Variants in SZT2 observed in about 807,000 individuals in gnomAD.
SZT2 encodes the protein SZT2 subunit of KICSTOR complex, also known as KICSTOR complex protein SZT2.
SZT2 carries 216 observed loss-of-function variants against 404.2 expected under a neutral mutation model. The observed-to-expected ratio is 0.53, with a 90% CI of 0.48 to 0.60. The LOEUF (loss-of-function observed/expected upper bound fraction) is 0.60, where lower values mean the gene tolerates loss of function less well. Ranked by LOEUF, SZT2 falls within the 20% of genes least tolerant of loss-of-function variation. SZT2 has a pLI of 0.00. For synonymous variants in SZT2, 1,693 were observed against 1,749.9 expected (o/e 0.97, Z 0.81); for missense variants, 3,857 against 4,459.2 (o/e 0.86, Z 3.85).
At position 43,438,926 on chromosome 1, in the gene SZT2, C is replaced by T. The variant is rs375885010; in HGVS notation, c.6628-3C>T. 25 of 1,614,062 alleles carry T rather than the reference C, an allele frequency of 1.5e-5. No individual in the cohort carries two copies. The African/African-American group carries it at 3.2e-4, about 21-fold the overall frequency. ...GCTCTGCCCTCTTCTTCCCACTCTG[C>T]AGTTCATCCAGCCCCCTGGAAGTCT... On this transcript the variant is annotated splice_region_variant and splice_polypyrimidine_tract_variant and intron_variant, in intron 47 of 71. Coordinates refer to ENST00000634258, the MANE Select transcript of SZT2 (RefSeq NM_001365999.1).
At position 43,448,127 on chromosome 1, in the gene SZT2, G is replaced by A. The variant is rs1028557723; in HGVS notation, c.9612G>A (p.Arg3204=). The change falls in exon 69 of 72, where the codon AGG becomes AGA. Residue 3204 remains arginine, a synonymous_variant. Coordinates refer to ENST00000634258, the MANE Select transcript of SZT2 (RefSeq NM_001365999.1). This position sits in a 1 kb window ranked among gnomAD's most constrained non-coding sequence, Gnocchi z 4.2. ...CCAGCCAGCGAGAGCTCTTCCCCAG[G>A]CTCACTGCTGACATGCGCCGCTTCC... ...VLTSQRELFP[R]LTADMRRFRK... The A allele has an allele frequency of 2.3e-5, 37 of 1,605,208 alleles. No individual in the cohort carries two copies. Among genetic ancestry groups the A allele is most frequent in the Admixed American group, 3.4e-5 (2 of 59,534 alleles).
In SZT2 at chr1:43,424,446, G is replaced by A; in HGVS notation, c.2471+14G>A. The A allele has an allele frequency of 1.3e-6, 2 of 1,596,324 alleles. No homozygotes were observed. The highest frequency in any genetic ancestry group is 1.7e-6 in the Non-Finnish European group (2 of 1,178,722). ...CATCCTCACTGAGTATGTCATCCAA[G>A]CCTGCCAGGTCACTCGGGGCAAGGA... On this transcript the variant is annotated intron_variant, in intron 16 of 71. Coordinates refer to ENST00000634258, the MANE Select transcript of SZT2 (RefSeq NM_001365999.1). The surrounding 1 kb of genome is among the most constrained non-coding windows in gnomAD (Gnocchi z 4.1).
At position 43,453,358 on chromosome 1, in the gene SZT2, G is replaced by A. The variant is rs1656649057; in HGVS notation, c.*2878G>A. The A allele has an allele frequency of 6.9e-7, 1 of 1,450,996 alleles. No individual in the cohort carries two copies. Among genetic ancestry groups the A allele is most frequent in the Non-Finnish European group, 9.4e-7 (1 of 1,060,718 alleles). 89.9% of individuals were successfully genotyped at this position (1,450,996 alleles called of 1,614,324 possible). ...ACCTGCATCAGGGTCATGGGTCACA[G>A]GGGTGGGGGTGGGGTGGAGCGGGGT... On this transcript the variant is annotated 3_prime_UTR_variant, in exon 72 of 72. Transcript: ENST00000634258.
In SZT2 at chr1:43,424,731, A is replaced by G; in HGVS notation, c.2472-53A>G. 6.8e-7 allele frequency: 1 copy of G among 1,480,146 alleles called. No homozygotes were observed. The highest frequency in any genetic ancestry group is 9.4e-7 in the Non-Finnish European group (1 of 1,060,588). The allele number at this position is 1,480,146 out of a possible 1,614,324, so 91.7% of individuals were successfully genotyped here. A position where few individuals can be genotyped will look rare whatever the true frequency, so the allele number is the denominator to read the frequency against. On this transcript the variant is annotated intron_variant, in intron 16 of 71. Coordinates refer to ENST00000634258, the MANE Select transcript of SZT2 (RefSeq NM_001365999.1). This position sits in a 1 kb window ranked among gnomAD's most constrained non-coding sequence, Gnocchi z 4.1. Reference sequence around the variant, plus strand: ...GTATGTGGGGAGAGCTTGTAGTCTCAGTGTCTCTTCTTCCCTTATCCTGGC... The same window carrying G: ...GTATGTGGGGAGAGCTTGTAGTCTCGGTGTCTCTTCTTCCCTTATCCTGGC...
Position 43,424,777 on chromosome 1 carries a change from G to T in SZT2, c.2472-7G>T, listed in dbSNP as rs766259523. ...CTGGCCTTGCCCCGGCCTTTATGGGGCTTCAGAGTCCGACTTTCTGAAGGA... is the reference window on the plus strand; with the variant it reads ...CTGGCCTTGCCCCGGCCTTTATGGGTCTTCAGAGTCCGACTTTCTGAAGGA... On this transcript the variant is annotated splice_region_variant and splice_polypyrimidine_tract_variant and intron_variant, in intron 16 of 71. Transcript: ENST00000634258. The surrounding 1 kb of genome is among the most constrained non-coding windows in gnomAD (Gnocchi z 4.1). 4.3e-6 allele frequency: 7 copies of T among 1,613,630 alleles called. No homozygotes were observed. The highest frequency in any genetic ancestry group is 5.1e-6 in the Non-Finnish European group (6 of 1,179,580).
Position 43,450,290 on chromosome 1 carries a change from A to G in SZT2, c.10156-47A>G. The G allele has an allele frequency of 1.2e-6, 2 of 1,612,840 alleles. No individual in the cohort carries two copies. The highest frequency in any genetic ancestry group is 1.7e-6 in the Non-Finnish European group (2 of 1,179,416). On this transcript the variant is annotated intron_variant, in intron 71 of 71. Coordinates refer to ENST00000634258, the MANE Select transcript of SZT2 (RefSeq NM_001365999.1). The surrounding 1 kb of genome is among the most constrained non-coding windows in gnomAD (Gnocchi z 4.3). ...TTTCTGAGCCCTGCCTCCTATCCCC[A>G]CCCATGCCCTCCTCTCACCAGTGCA... is the stretch of plus-strand genomic sequence containing the variant.
chr1:43,447,189 CA>C, intron 66 of SZT2, 21 bp downstream of exon 66: 1 of 1,597,152 alleles, frequency 6.3e-7, no homozygotes, highest in East Asian at 2.3e-5. Flanking sequence ...AAGGGCAAGC[CA>C]GTGAACCCAA....
intron 1 of SZT2, among the ~76,000 whole-genome samples, chr1:43,398,262 G>T (rs1455422454): frequency 6.6e-6 from 1 of 152,198 alleles, no homozygotes; most frequent in African/African-American, 2.4e-5. Context: ...AGAACATATA[G>T]CGAGAGGGGA....
Position 43,453,769 on chromosome 1 carries a change from T to C in SZT2, c.*3289T>C. On this transcript the variant is annotated 3_prime_UTR_variant, in exon 72 of 72. Transcript: ENST00000634258. ...AGCTCGGGGAATAGCCAGGACAGAT[T>C]GGCGGAGAAGCGCAGCGGCGCCATG... 2 of 1,297,536 alleles carry C rather than the reference T, an allele frequency of 1.5e-6. No individual in the cohort carries two copies. Among genetic ancestry groups the C allele is most frequent in the Non-Finnish European group, 1.9e-6 (2 of 1,026,852 alleles). The allele number at this position is 1,297,536 out of a possible 1,614,324, so 80.4% of individuals were successfully genotyped here.
chr1:43,445,952 T>C lies in SZT2; in HGVS notation c.8884T>C (p.Cys2962Arg). Residue 2962 changes from cysteine to arginine, a missense_variant, in exon 63 of 72, where the codon TGC (cysteine) becomes CGC (arginine). By Grantham distance (180) the Cys-to-Arg change is radical. Coordinates refer to ENST00000634258, the MANE Select transcript of SZT2 (RefSeq NM_001365999.1). Reference protein sequence around the residue: ...LGTEGRGSFSCPKTKTDGSPK... With the variant: ...LGTEGRGSFSRPKTKTDGSPK... Reference sequence around the variant, plus strand: ...AACAGAGGGTCGAGGCTCCTTCTCCTGCCCTAAAACCAAGACTGATGGGAG... The same window carrying C: ...AACAGAGGGTCGAGGCTCCTTCTCCCGCCCTAAAACCAAGACTGATGGGAG... 6.2e-7 allele frequency: 1 copy of C among 1,614,254 alleles called. No individual in the cohort carries two copies. Among genetic ancestry groups the C allele is most frequent in the Non-Finnish European group, 8.5e-7 (1 of 1,180,042 alleles).
chr1:43,440,412 G>A (rs747935495), intron 51 of SZT2, 41 bp from the exon 52 acceptor site: 3 of 1,530,354 alleles, frequency 2.0e-6, no homozygotes, highest in Middle Eastern at 3.5e-4. Context: ...AATGGGGATT[G>A]ATGATCAGTG....
At chr1:43,418,736 G>C (rs906409036) in intron 7 of SZT2, among the ~76,000 whole-genome samples, 14 of 152,210 alleles carry the variant, frequency 9.2e-5, no homozygotes, top group Admixed American at 9.2e-4. Flanking sequence ...GAAGTTGTCT[G>C]AATGTAGGGT....
intron 1 of SZT2, chr1:43,394,205 T>A: frequency 7.8e-5 from 20 of 255,766 alleles, no homozygotes; most frequent in South Asian, 1.5e-4. Context: ...GCCCATCAAC[T>A]CTTTTTTTTT....
intron 28 of SZT2, 30 bp downstream of exon 28, chr1:43,428,516 G>C (rs748487770): frequency 4.4e-6 from 7 of 1,604,084 alleles, no homozygotes; most frequent in Admixed American, 3.3e-5. Context: ...GATGGATAAG[G>C]GGGTACACAG....
rs761894952 is a variant in SZT2, at chr1:43,452,279, G to A, written c.*1799G>A. Reference sequence around the variant, plus strand: ...TCCATCTCAGCCTTGACTGCTATTCGATCAGCTCCCTGGGGTACTCGGCCA... The same window carrying A: ...TCCATCTCAGCCTTGACTGCTATTCAATCAGCTCCCTGGGGTACTCGGCCA... On this transcript the variant is annotated 3_prime_UTR_variant, in exon 72 of 72. Coordinates refer to ENST00000634258, the MANE Select transcript of SZT2 (RefSeq NM_001365999.1). 1.1e-5 allele frequency: 18 copies of A among 1,613,920 alleles called. No individual in the cohort carries two copies. In the East Asian group the frequency reaches 1.3e-4, roughly 12 times the overall value.
chr1:43,440,148 T>A (rs2782649), intron 51 of SZT2, 100 bp downstream of exon 51: 3 of 1,495,230 alleles, frequency 2.0e-6, no homozygotes, highest in Non-Finnish European at 2.7e-6. Flanking sequence ...AGGGGAAGCA[T>A]GTCAGAGAAC....
In SZT2 at chr1:43,443,413, T is replaced by C. The variant is rs775335640; in HGVS notation, c.8561T>C (p.Met2854Thr). Residue 2854 changes from methionine to threonine, a missense_variant, in exon 61 of 72, where the codon ATG (methionine) becomes ACG (threonine). Transcript: ENST00000634258. ...SRLVHYCATA[M>T]LFDPAAWLHG... Reference sequence around the variant, plus strand: ...CTGGTGCATTACTGTGCAACAGCCATGCTCTTCGACCCAGCTGCCTGGCTG... The same window carrying C: ...CTGGTGCATTACTGTGCAACAGCCACGCTCTTCGACCCAGCTGCCTGGCTG... The C allele has an allele frequency of 6.2e-7, 1 of 1,614,192 alleles. No homozygotes were observed.
In SZT2 at chr1:43,452,138, C is replaced by G. The variant is rs776994602; in HGVS notation, c.*1658C>G. The G allele has an allele frequency of 5.3e-6, 8 of 1,501,346 alleles. No individual in the cohort carries two copies. The highest frequency in any genetic ancestry group is 1.4e-5 in the African/African-American group (1 of 72,528). The allele number at this position is 1,501,346 out of a possible 1,614,324, so 93.0% of individuals were successfully genotyped here. ...CTGGCAGCCTCACGTGCTGTCCCCACTGTGCACCCCCTTCTCCGCACACCC... is the reference window on the plus strand; with the variant it reads ...CTGGCAGCCTCACGTGCTGTCCCCAGTGTGCACCCCCTTCTCCGCACACCC... On this transcript the variant is annotated 3_prime_UTR_variant, in exon 72 of 72. Coordinates refer to ENST00000634258, the MANE Select transcript of SZT2 (RefSeq NM_001365999.1).
Position 43,452,294 on chromosome 1 carries a change from G to A in SZT2, c.*1814G>A, listed in dbSNP as rs762771794. The A allele has an allele frequency of 3.0e-5, 49 of 1,614,026 alleles. No individual in the cohort carries two copies. In the East Asian group the frequency reaches 1.0e-3, roughly 34 times the overall value. ...ACTGCTATTCGATCAGCTCCCTGGG[G>A]TACTCGGCCAGCCATCAGGTGGATC... On this transcript the variant is annotated 3_prime_UTR_variant, in exon 72 of 72. Transcript: ENST00000634258.
Sources: allele counts gnomAD v4.1 joint callset (sites outside exome capture counted in the v4.1 genomes callset), GRCh38; gene constraint gnomAD v4.1.1; non-coding constraint Gnocchi (gnomAD v3.1); transcripts MANE v1.5; gene names NCBI Gene and HGNC (gene_info 2026-07-23, HGNC 2026-07-21).